DGUOK: variants seen among roughly 807,000 people sequenced by gnomAD.
DGUOK encodes deoxyguanosine kinase, also known as deoxyguanosine kinase, mitochondrial.
DGUOK carries 30 observed loss-of-function variants against 36.6 expected under a neutral mutation model. The observed-to-expected ratio is 0.82, with a 90% CI of 0.61 to 1.11. The LOEUF (loss-of-function observed/expected upper bound fraction) is 1.11. Among genes scored for constraint, DGUOK ranks in the 50% most tolerant of loss-of-function variants. The pLI, the probability that DGUOK is intolerant of heterozygous loss-of-function variation, is 0.00. For synonymous variants in DGUOK, 145 were observed against 126.3 expected, an observed-to-expected ratio of 1.15 and a Z score of -0.99; for missense variants, 361 against 336.4, an observed-to-expected ratio of 1.07 and a Z score of -0.57.
chr2:73,935,746 T>C (rs1681412352), intron 1 of DGUOK, among the ~76,000 whole-genome samples: 1 of 152,212 alleles, frequency 6.6e-6, no homozygotes, highest in Non-Finnish European at 1.5e-5. Flanking sequence ...ATGCTGAAGC[T>C]GCCTTGTGAT....
At chr2:73,952,508 G>A (rs568069925) in intron 4 of DGUOK, among the ~76,000 whole-genome samples, 1 of 152,358 alleles carries the variant, frequency 6.6e-6, no homozygotes, top group South Asian at 2.1e-4. Flanking sequence ...AGTGCTGTGA[G>A]GTTGGATTGA....
intron 1 of DGUOK, among the ~76,000 whole-genome samples, chr2:73,936,353 G>A (rs1226410641): frequency 1.3e-5 from 2 of 152,232 alleles, no homozygotes; most frequent in Non-Finnish European, 2.9e-5. Context: ...GGAAGAGCAG[G>A]GGAGGGCATT....
intron 3 of DGUOK, among the ~76,000 whole-genome samples, chr2:73,949,300 A>G (rs556192836): frequency 6.6e-6 from 1 of 152,326 alleles, no homozygotes; most frequent in African/African-American, 2.4e-5. Context: ...AAAGAACTCA[A>G]AAACATTTTG....
chr2:73,947,626 G>C (rs890675234), intron 3 of DGUOK: 1 of 154,804 alleles, frequency 6.5e-6, no homozygotes, highest in Non-Finnish European at 1.4e-5. Flanking sequence ...GAGCTAGGCC[G>C]TGCAGGCTCC....
chr2:73,946,639 G>C, intron 2 of DGUOK, 80 bp from the exon 3 acceptor site: 1 of 1,253,816 alleles, frequency 8.0e-7, no homozygotes, highest in Non-Finnish European at 1.2e-6. Context: ...TGGGGAGGTA[G>C]GGGTGTGTGT....
At chr2:73,948,982 C>T (rs185529691) in intron 3 of DGUOK, among the ~76,000 whole-genome samples, 3 of 152,316 alleles carry the variant, frequency 2.0e-5, no homozygotes, top group East Asian at 3.9e-4. Flanking sequence ...GACAGAGTCT[C>T]GCTCTGTCGC....
intron 5 of DGUOK, chr2:73,957,923 CTGTT>C (rs774856089): frequency 5.4e-5 from 24 of 446,872 alleles, no homozygotes; most frequent in South Asian, 1.0e-4. Flanking sequence ...GGTGCTCTGA[CTGTT>C]TGTTAGTATC....
intron 1 of DGUOK, among the ~76,000 whole-genome samples, chr2:73,937,895 A>C (rs1681590795): frequency 6.6e-6 from 1 of 152,190 alleles, no homozygotes; most frequent in African/African-American, 2.4e-5. Context: ...TCTTTTAACT[A>C]GTCTGCCTGC....
Position 73,927,034 on chromosome 2 carries a change from T to C in DGUOK, c.124T>C (p.Ser42Pro). The C allele has an allele frequency of 6.2e-7, 1 of 1,609,896 alleles. No homozygotes were observed. The highest frequency in any genetic ancestry group is 1.1e-5 in the South Asian group (1 of 91,086). ...CGCGGGGCGCGGGCCCCGAAGGCTC[T>C]CCATCGAAGGCAACATTGGTAAGGG... is the stretch of plus-strand genomic sequence containing the variant. ...LHAGRGPRRL[S>P]IEGNIAVGKS... Residue 42 changes from serine (S) to proline (P), a missense_variant, in exon 1 of 7, where the codon TCC becomes CCC. Transcript: ENST00000264093.
chr2:73,941,700 G>A (rs1681913940), intron 2 of DGUOK, among the ~76,000 whole-genome samples: 1 of 152,002 alleles, frequency 6.6e-6, no homozygotes, highest in Non-Finnish European at 1.5e-5. Context: ...TATAAGCAGT[G>A]TTGCAATGAT....
intron 3 of DGUOK, among the ~76,000 whole-genome samples, chr2:73,948,980 C>G (rs967823385): frequency 6.6e-6 from 1 of 152,210 alleles, no homozygotes; most frequent in Admixed American, 6.5e-5. Context: ...AAGACAGAGT[C>G]TCGCTCTGTC....
chr2:73,933,280 T>G (rs1480958851), intron 1 of DGUOK, among the ~76,000 whole-genome samples: 1 of 152,240 alleles, frequency 6.6e-6, no homozygotes, highest in Admixed American at 6.5e-5. Flanking sequence ...GTGACTCACC[T>G]CCTTCCCTCC....
intron 2 of DGUOK, among the ~76,000 whole-genome samples, chr2:73,945,317 C>T (rs1359928734): frequency 1.3e-5 from 2 of 152,184 alleles, no homozygotes; most frequent in Admixed American, 6.5e-5. Context: ...ATTCCAGCTT[C>T]GTACATCCTC....
intron 2 of DGUOK, among the ~76,000 whole-genome samples, chr2:73,943,525 C>G (rs995516621): frequency 9.2e-5 from 14 of 151,946 alleles, no homozygotes; most frequent in Non-Finnish European, 1.6e-4. Context: ...AATTTTGCAT[C>G]TTTTCTAGCA....
At chr2:73,934,930 G>A (rs1245001284) in intron 1 of DGUOK, among the ~76,000 whole-genome samples, 3 of 151,736 alleles carry the variant, frequency 2.0e-5, no homozygotes, top group African/African-American at 4.8e-5. Context: ...AAAATTAGCC[G>A]GGCGTGGTGG....
intron 1 of DGUOK, among the ~76,000 whole-genome samples, chr2:73,929,310 A>G (rs981058907): frequency 9.2e-5 from 14 of 152,180 alleles, no homozygotes; most frequent in East Asian, 1.9e-4. Flanking sequence ...GGGTCTCACT[A>G]TATTTTCCAG....
At chr2:73,955,281 AACAG>A (rs1449464235) in intron 4 of DGUOK, among the ~76,000 whole-genome samples, 3 of 152,202 alleles carry the variant, frequency 2.0e-5, no homozygotes, top group Non-Finnish European at 4.4e-5. Context: ...ATTTTCACGA[AACAG>A]ACAACATTTT....
At chr2:73,943,651 G>GTT (rs759537449) in intron 2 of DGUOK, among the ~76,000 whole-genome samples, 9 of 141,842 alleles carry the variant, frequency 6.3e-5, no homozygotes, top group African/African-American at 1.0e-4. Flanking sequence ...AGTTATTCAG[G>GTT]TTTTTTTTTT....
chr2:73,947,864 AC>A (rs1463251086), intron 3 of DGUOK: 18 of 152,240 alleles, frequency 1.2e-4, no homozygotes, highest in Non-Finnish European at 1.6e-4. Flanking sequence ...TGCTGAAGAC[AC>A]TCAGTTGGTT....
Sources: gnomAD v4.1 joint callset for allele counts (sites outside exome capture counted in the v4.1 genomes callset) on GRCh38, gnomAD v4.1.1 for gene constraint, MANE v1.5 for transcripts, NCBI Gene and HGNC (gene_info 2026-07-23, HGNC 2026-07-21) for gene names.